Variants in RNF220 observed in about 807,000 individuals in gnomAD.
RNF220 encodes the protein E3 ubiquitin-protein ligase RNF220.
Under a neutral mutation model 67.1 loss-of-function variants are expected in RNF220, and 7 were observed. That is an observed-to-expected ratio of 0.10 (90% CI 0.06 to 0.20). The LOEUF (loss-of-function observed/expected upper bound fraction) is 0.20, where lower values mean the gene tolerates loss of function less well. RNF220 is among the 10% of genes least tolerant of loss of function. The probability of loss-of-function intolerance (pLI) is 1.00; values close to 1 mark genes in which losing one functional copy is unlikely to be tolerated. For missense variants in RNF220, 565 were observed against 740.3 expected, an observed-to-expected ratio of 0.76 and a Z score of 2.75; for synonymous variants, 270 against 283.2, an observed-to-expected ratio of 0.95 and a Z score of 0.47.
At chr1:44,607,396 G>T (rs917635675) in intron 2 of RNF220, among the ~76,000 whole-genome samples, 59 of 151,856 alleles carry the variant, frequency 3.9e-4, no homozygotes, top group African/African-American at 1.4e-3. Context: ...TCAGCACTCT[G>T]CCCCTCACTC....
chr1:44,649,797 C>T lies in RNF220; in HGVS notation c.1554+28C>T. The T allele has an allele frequency of 6.2e-7, 1 of 1,613,626 alleles. No homozygotes were observed. Among genetic ancestry groups the T allele is most frequent in the Non-Finnish European group, 8.5e-7 (1 of 1,179,636 alleles). On this transcript the variant is annotated intron_variant, in intron 13 of 14. Transcript: ENST00000361799. The surrounding 1 kb of genome is among the most constrained non-coding windows in gnomAD (Gnocchi z 5.9). ...GAGTAGAAAAGAACCTAGGGGTGCC[C>T]TTGGTCAGGCTTCCACGCCCTCTGG...
At chr1:44,461,924 G>GTTTTTTTTTTTTTTTT (rs201661366) in intron 2 of RNF220, among the ~76,000 whole-genome samples, 5 of 123,562 alleles carry the variant, frequency 4.0e-5, no homozygotes, top group African/African-American at 9.4e-5. Flanking sequence ...TTTTTTCTTT[G>GTTTTTTTTTTTTTTTT]TTTTTTTTTT....
At chr1:44,501,234 G>C (rs375536225) in intron 2 of RNF220, among the ~76,000 whole-genome samples, 1 of 151,792 alleles carries the variant, frequency 6.6e-6, no homozygotes, top group Non-Finnish European at 1.5e-5. Flanking sequence ...GAAGGGTGTG[G>C]GGGGGTGACC....
intron 2 of RNF220, among the ~76,000 whole-genome samples, chr1:44,482,380 T>C (rs1196527918): frequency 1.3e-5 from 2 of 152,100 alleles, no homozygotes; most frequent in South Asian, 4.1e-4. Context: ...GTGAAGACAT[T>C]TGAAGGAAGT....
In RNF220 at chr1:44,446,796, A is replaced by G. The variant is rs1021027853; in HGVS notation, c.625+34074A>G. Among the ~76,000 whole-genome samples, 9 of 152,168 alleles carry G rather than the reference A, an allele frequency of 5.9e-5. No homozygotes were observed. The East Asian group carries it at 9.6e-4, about 16-fold the overall frequency. Reference sequence around the variant, plus strand: ...CTGATCTCAAACTCCTGACCTCGTGATCTGCCCACCTCGGCCTCCCAAAGT... The same window carrying G: ...CTGATCTCAAACTCCTGACCTCGTGGTCTGCCCACCTCGGCCTCCCAAAGT... On this transcript the variant is annotated intron_variant, in intron 2 of 14. Coordinates refer to ENST00000361799, the MANE Select transcript of RNF220 (RefSeq NM_018150.4).
chr1:44,543,952 G>A (rs769711254), intron 2 of RNF220, among the ~76,000 whole-genome samples: 61 of 152,194 alleles, frequency 4.0e-4, no homozygotes, highest in Non-Finnish European at 7.5e-4. Flanking sequence ...GCCTGGGCCC[G>A]GGGTGAGAAC....
chr1:44,563,483 A>G (rs1244227731), intron 2 of RNF220, among the ~76,000 whole-genome samples: 1 of 152,178 alleles, frequency 6.6e-6, no homozygotes, highest in Non-Finnish European at 1.5e-5. Flanking sequence ...GAACGGGAAG[A>G]GGGAGAGCTG....
At chr1:44,506,444 C>T (rs1440162683) in intron 2 of RNF220, among the ~76,000 whole-genome samples, 1 of 152,254 alleles carries the variant, frequency 6.6e-6, no homozygotes, top group Non-Finnish European at 1.5e-5. Context: ...CTTGTCTGCA[C>T]AGGAGTGGAG....
chr1:44,605,795 A>G (rs1018622523), intron 2 of RNF220, among the ~76,000 whole-genome samples: 1 of 152,166 alleles, frequency 6.6e-6, no homozygotes. Flanking sequence ...CCCCTGTCCT[A>G]TCCTTTTTGG....
In RNF220 at chr1:44,460,144, C is replaced by T. The variant is rs1018623687; in HGVS notation, c.625+47422C>T. Among the ~76,000 whole-genome samples, 8 of 152,178 alleles carry T rather than the reference C, an allele frequency of 5.3e-5. No homozygotes were observed. The East Asian group carries it at 1.5e-3, about 29-fold the overall frequency. ...GCAGAACACCCACCTCATCGTTCCT[C>T]GTCTCACGGGGTGAGGGAGCTCTTT... is the stretch of plus-strand genomic sequence containing the variant. On this transcript the variant is annotated intron_variant, in intron 2 of 14. Transcript: ENST00000361799.
intron 2 of RNF220, among the ~76,000 whole-genome samples, chr1:44,611,113 G>A (rs1157572111): frequency 6.6e-6 from 1 of 152,188 alleles, no homozygotes; most frequent in Admixed American, 6.5e-5. Context: ...CACAGCGGGG[G>A]AGGGGACACA....
intron 2 of RNF220, among the ~76,000 whole-genome samples, chr1:44,526,597 C>T (rs1660398310): frequency 6.6e-6 from 1 of 152,168 alleles, no homozygotes; most frequent in Admixed American, 6.5e-5. Context: ...ATCACTCCTC[C>T]TCCTTCAATC....
intron 2 of RNF220, among the ~76,000 whole-genome samples, chr1:44,516,046 CCTT>C (rs1659428433): frequency 6.6e-6 from 1 of 152,146 alleles, no homozygotes; most frequent in Admixed American, 6.5e-5. Flanking sequence ...TACACCATCT[CCTT>C]CTAAAAGGAT....
intron 2 of RNF220, among the ~76,000 whole-genome samples, chr1:44,426,027 T>C (rs183952358): frequency 6.6e-6 from 1 of 152,314 alleles, no homozygotes; most frequent in East Asian, 1.9e-4. Flanking sequence ...GTAGACTTTT[T>C]GTGAATGTAA....
At chr1:44,436,437 A>AAAAGAAAGAGG (rs1308944564) in intron 2 of RNF220, among the ~76,000 whole-genome samples, 13 of 149,486 alleles carry the variant, frequency 8.7e-5, no homozygotes, top group Admixed American at 8.0e-4. Context: ...AGAGAGAATA[A>AAAAGAAAGAGG]AAAGAAAGAG....
chr1:44,425,211 C>T (rs1172629789), intron 2 of RNF220, among the ~76,000 whole-genome samples: 1 of 152,118 alleles, frequency 6.6e-6, no homozygotes, highest in Admixed American at 6.6e-5. Context: ...GGGATGCTCT[C>T]GTCAACTTTG....
chr1:44,405,476 C>T lies in RNF220; in HGVS notation c.-172C>T. 1.9e-6 allele frequency: 1 copy of T among 526,432 alleles called. No homozygotes were observed. Among genetic ancestry groups the T allele is most frequent in the Non-Finnish European group, 3.4e-6 (1 of 297,868 alleles). 32.6% of individuals were successfully genotyped at this position (526,432 alleles called of 1,614,324 possible). ...TTTCATGCACCACACTCTCCGCCTG[C>T]TTCCCTCCGTGTCCTGAAAAGTGCG... On this transcript the variant is annotated 5_prime_UTR_variant, in exon 1 of 15. Coordinates refer to ENST00000361799, the MANE Select transcript of RNF220 (RefSeq NM_018150.4).
intron 2 of RNF220, among the ~76,000 whole-genome samples, chr1:44,512,076 G>T (rs1038825437): frequency 2.6e-5 from 4 of 152,200 alleles, no homozygotes; most frequent in African/African-American, 9.7e-5. Flanking sequence ...TCAGGTTTTC[G>T]CTGTGGTTGT....
intron 2 of RNF220, among the ~76,000 whole-genome samples, chr1:44,418,475 AT>A (rs765030553): frequency 6.6e-5 from 10 of 152,134 alleles, no homozygotes; most frequent in Non-Finnish European, 1.5e-4. Context: ...GATTGCTGGC[AT>A]TCGGGCAAGG....
Sources: gnomAD v4.1 joint callset for allele counts (sites outside exome capture counted in the v4.1 genomes callset) on GRCh38, gnomAD v4.1.1 for gene constraint, Gnocchi (gnomAD v3.1) non-coding constraint, MANE v1.5 for transcripts, NCBI Gene and HGNC (gene_info 2026-07-23, HGNC 2026-07-21) for gene names.